Variants in ASPRV1 observed in about 807,000 individuals in gnomAD.
ASPRV1 encodes the protein aspartic peptidase retroviral like 1, also known as retroviral-like aspartic protease 1.
In ASPRV1, 7 loss-of-function variants were observed where a neutral mutation model predicts 11.0. That is an observed-to-expected ratio of 0.64 (90% CI 0.36 to 1.20). ASPRV1 has a LOEUF of 1.20. Among genes scored for constraint, ASPRV1 ranks in the 50% most tolerant of loss-of-function variants. The pLI, the probability that ASPRV1 is intolerant of heterozygous loss-of-function variation, is 0.02. For missense variants in ASPRV1, 299 were observed against 320.0 expected (o/e 0.93, Z 0.50); for synonymous variants, 136 against 138.4 (o/e 0.98, Z 0.12).
At chr2:69,974,818 G>T in the ASPRV1 span, among the ~76,000 whole-genome samples, 2 of 152,206 alleles carry the variant, frequency 1.3e-5, no homozygotes, top group Admixed American at 1.3e-4. Context: ...AAATAGTTTT[G>T]GGTAATGACA....
the ASPRV1 span, among the ~76,000 whole-genome samples, chr2:69,968,914 T>C: frequency 1.3e-5 from 2 of 152,224 alleles, no homozygotes; most frequent in East Asian, 1.9e-4. Flanking sequence ...CCCTCCCGCC[T>C]CGTGTCATGT....
chr2:70,080,547 G>C, the ASPRV1 span, among the ~76,000 whole-genome samples: 1 of 152,002 alleles, frequency 6.6e-6, no homozygotes, highest in African/African-American at 2.4e-5. Flanking sequence ...TTTTTTATAG[G>C]ACAGAGAGTT....
At chr2:70,001,841 A>G in the ASPRV1 span, among the ~76,000 whole-genome samples, 1 of 152,204 alleles carries the variant, frequency 6.6e-6, no homozygotes, top group Non-Finnish European at 1.5e-5. Context: ...TTAATAACCT[A>G]AAGTGGCAAT....
the ASPRV1 span, among the ~76,000 whole-genome samples, chr2:70,080,122 G>C: frequency 6.6e-6 from 1 of 151,944 alleles, no homozygotes; most frequent in Admixed American, 6.6e-5. Context: ...CTCCTAACCA[G>C]CTTAACAAAG....
the ASPRV1 span, chr2:70,077,524 T>C: frequency 6.6e-6 from 1 of 152,216 alleles, no homozygotes; most frequent in African/African-American, 2.4e-5. Flanking sequence ...AAACTTTTTT[T>C]CAAAATAAAG....
At chr2:70,028,580 A>G in the ASPRV1 span, 1 of 152,324 alleles carries the variant, frequency 6.6e-6, no homozygotes, top group East Asian at 1.9e-4. Flanking sequence ...ACCAAAGTTC[A>G]TGTGTTGGAA....
chr2:70,046,567 T>A, the ASPRV1 span: 2 of 152,176 alleles, frequency 1.3e-5, no homozygotes, highest in Admixed American at 6.5e-5. Context: ...TATTAGGTAC[T>A]CTTTGGCGGT....
chr2:69,938,792 G>A, the ASPRV1 span: 1 of 153,928 alleles, frequency 6.5e-6, no homozygotes, highest in Non-Finnish European at 1.4e-5. Context: ...CACCACCAGT[G>A]AGGAAGTCAG....
the ASPRV1 span, among the ~76,000 whole-genome samples, chr2:70,057,726 G>T: frequency 1.3e-5 from 2 of 151,918 alleles, no homozygotes; most frequent in East Asian, 3.9e-4. Context: ...TGATTCACCC[G>T]CCTCGGCCTC....
chr2:70,026,596 TAAC>T, the ASPRV1 span, among the ~76,000 whole-genome samples: 1 of 150,932 alleles, frequency 6.6e-6, no homozygotes, highest in African/African-American at 2.4e-5. Flanking sequence ...GGAATTCCAC[TAAC>T]AATAGCAAAA....
chr2:70,006,224 A>G, the ASPRV1 span, among the ~76,000 whole-genome samples: 1 of 152,184 alleles, frequency 6.6e-6, no homozygotes. Context: ...TCCCTGTTTG[A>G]GAACCACTGA....
the ASPRV1 span, among the ~76,000 whole-genome samples, chr2:70,001,601 T>C: frequency 2.6e-5 from 4 of 152,018 alleles, no homozygotes; most frequent in African/African-American, 4.8e-5. Flanking sequence ...CTATTAAAAA[T>C]ACAAAAACAT....
the ASPRV1 span, chr2:69,993,645 CAAAACACTATTTT>C: frequency 6.6e-6 from 1 of 152,192 alleles, no homozygotes; most frequent in Admixed American, 6.5e-5. Flanking sequence ...CTTGAATTGC[CAAAACACTATTTT>C]AACCTTTGAA....
upstream of ASPRV1, chr2:69,962,038 A>T (rs1678138503): frequency 4.1e-6 from 1 of 245,476 alleles, no homozygotes; most frequent in African/African-American, 2.2e-5. Flanking sequence ...AAAGGAAAAC[A>T]GTTTACATGT....
chr2:70,006,254 C>T, the ASPRV1 span, among the ~76,000 whole-genome samples: 6 of 152,220 alleles, frequency 3.9e-5, no homozygotes, highest in Non-Finnish European at 8.8e-5. Context: ...ATAAAAGCCA[C>T]AGCCACAGAG....
At chr2:70,014,803 A>G in the ASPRV1 span, among the ~76,000 whole-genome samples, 1 of 143,292 alleles carries the variant, frequency 7.0e-6, no homozygotes, top group Non-Finnish European at 1.5e-5. Context: ...TCTCAAAAAA[A>G]AAAAAAAAAA....
the ASPRV1 span, chr2:70,032,219 T>G: frequency 2.0e-5 from 3 of 152,360 alleles, no homozygotes; most frequent in South Asian, 6.2e-4. Context: ...ATGTTAAGAC[T>G]ACGAGATAAA....
the ASPRV1 span, among the ~76,000 whole-genome samples, chr2:70,035,596 G>C: frequency 6.6e-6 from 1 of 151,272 alleles, no homozygotes; most frequent in African/African-American, 2.4e-5. Context: ...CACCAGTCTA[G>C]CAATTGCAAG....
chr2:69,953,723 T>G, the ASPRV1 span, among the ~76,000 whole-genome samples: 21 of 152,184 alleles, frequency 1.4e-4, no homozygotes, highest in Non-Finnish European at 2.4e-4. Context: ...TTCTTTCTTT[T>G]TTGAGAGCAA....
Sources: gnomAD v4.1 joint callset for allele counts (sites outside exome capture counted in the v4.1 genomes callset) on GRCh38, gnomAD v4.1.1 for gene constraint, MANE v1.5 for transcripts, NCBI Gene and HGNC (gene_info 2026-07-23, HGNC 2026-07-21) for gene names.